SASH1: variants seen among roughly 807,000 people sequenced by gnomAD.
SASH1 encodes SAM and SH3 domain-containing protein 1.
In SASH1, 44 loss-of-function variants were observed where a neutral mutation model predicts 125.2. The ratio of observed to expected loss-of-function variants is 0.35; its 90% confidence interval spans 0.28 to 0.45. The LOEUF is 0.45. Ranked by LOEUF, SASH1 falls within the 20% of genes least tolerant of loss-of-function variation. The pLI, the probability that SASH1 is intolerant of heterozygous loss-of-function variation, is 1.00. For missense variants in SASH1, 1,426 were observed against 1,614.5 expected (o/e 0.88, Z 2.00); for synonymous variants, 639 against 649.1 (o/e 0.98, Z 0.24).
intron 10 of SASH1, 136 bp from the exon 11 acceptor site, chr6:148,525,155 T>G: frequency 2.9e-6 from 2 of 682,860 alleles, no homozygotes; most frequent in Non-Finnish European, 5.3e-6. Context: ...TTCTCATCAT[T>G]TCTCGTTTTC....
At chr6:148,376,753 A>C (rs1782910920) in intron 1 of SASH1, among the ~76,000 whole-genome samples, 1 of 151,988 alleles carries the variant, frequency 6.6e-6, no homozygotes, top group Non-Finnish European at 1.5e-5. Flanking sequence ...AGTCCCAGCT[A>C]CTCGGGAGGC....
At chr6:148,320,022 C>G in intron 1 of SASH1, among the ~76,000 whole-genome samples, 1 of 152,054 alleles carries the variant, frequency 6.6e-6, no homozygotes, top group East Asian at 1.9e-4. Flanking sequence ...TCATGATGGC[C>G]CCAAAGTACA....
chr6:148,369,086 G>T (rs554752025), intron 1 of SASH1, among the ~76,000 whole-genome samples: 1 of 152,186 alleles, frequency 6.6e-6, no homozygotes, highest in African/African-American at 2.4e-5. Flanking sequence ...CATTGGCCTG[G>T]CAGAGCTGTA....
chr6:148,229,133 C>CAA, the SASH1 span, among the ~76,000 whole-genome samples: 12,748 of 58,396 alleles, frequency 0.22, 1,903 homozygotes, highest in East Asian at 0.35. Flanking sequence ...GACTCCATCT[C>CAA]AAAAAAAAAA....
At chr6:148,381,832 A>G (rs1206087548) in intron 1 of SASH1, among the ~76,000 whole-genome samples, 2 of 151,434 alleles carry the variant, frequency 1.3e-5, no homozygotes, top group Non-Finnish European at 2.9e-5. Flanking sequence ...AGGTTTCACC[A>G]TTTTGGTTGG....
chr6:148,211,422 T>C, the SASH1 span, among the ~76,000 whole-genome samples: 1 of 151,954 alleles, frequency 6.6e-6, no homozygotes, highest in African/African-American at 2.4e-5. Flanking sequence ...AATATAAAAA[T>C]TATCCAGGTG....
chr6:148,457,060 C>CAA (rs111593911), intron 4 of SASH1, among the ~76,000 whole-genome samples: 2 of 105,528 alleles, frequency 1.9e-5, no homozygotes, highest in African/African-American at 3.5e-5. Context: ...TTCCTTAAGA[C>CAA]AAAAAAAAAA....
At chr6:148,266,762 A>T in the SASH1 span, among the ~76,000 whole-genome samples, 1 of 149,830 alleles carries the variant, frequency 6.7e-6, no homozygotes, top group African/African-American at 2.5e-5. Context: ...CACCATGCCC[A>T]GCCAATTTTT....
intron 1 of SASH1, among the ~76,000 whole-genome samples, chr6:148,348,962 T>C (rs867413590): frequency 8.5e-5 from 13 of 152,282 alleles, no homozygotes; most frequent in Admixed American, 4.6e-4. Flanking sequence ...CCCAGGAGCG[T>C]CTGGGCGGCC....
At chr6:148,352,345 C>G (rs1781758272) in intron 1 of SASH1, among the ~76,000 whole-genome samples, 1 of 152,132 alleles carries the variant, frequency 6.6e-6, no homozygotes, top group African/African-American at 2.4e-5. Flanking sequence ...CGCCTGTAAT[C>G]CCAGCATTTT....
intron 9 of SASH1, among the ~76,000 whole-genome samples, chr6:148,518,705 C>T (rs1780616889): frequency 6.6e-6 from 1 of 152,204 alleles, no homozygotes; most frequent in African/African-American, 2.4e-5. Flanking sequence ...GTTTGACCTA[C>T]TTCTTTTCTC....
chr6:148,336,405 C>T (rs1052321904), intron 1 of SASH1, among the ~76,000 whole-genome samples: 16 of 151,926 alleles, frequency 1.1e-4, no homozygotes, highest in African/African-American at 3.4e-4. Context: ...CTCAAACTCC[C>T]GACCTCAGGT....
At chr6:148,251,454 C>T in the SASH1 span, among the ~76,000 whole-genome samples, 100 of 152,254 alleles carry the variant, frequency 6.6e-4, no homozygotes, top group Non-Finnish European at 1.1e-3. Flanking sequence ...TTACCGAAAC[C>T]TCTGCTGTGG....
At chr6:148,432,561 C>T (rs1158767868) in intron 2 of SASH1, among the ~76,000 whole-genome samples, 1 of 152,218 alleles carries the variant, frequency 6.6e-6, no homozygotes, top group Non-Finnish European at 1.5e-5. Flanking sequence ...ATCCGATCGC[C>T]TCTGGCTTTT....
chr6:148,249,653 GT>G, the SASH1 span, among the ~76,000 whole-genome samples: 2 of 152,206 alleles, frequency 1.3e-5, no homozygotes, highest in Admixed American at 1.3e-4. Flanking sequence ...TCCAGGTCAT[GT>G]CTGAGAAACA....
chr6:148,209,767 G>C, the SASH1 span, among the ~76,000 whole-genome samples: 9 of 152,186 alleles, frequency 5.9e-5, no homozygotes, highest in Admixed American at 4.6e-4. Flanking sequence ...AAGCTTGGCT[G>C]TTCCGGTTGC....
chr6:148,194,816 A>G, the SASH1 span, among the ~76,000 whole-genome samples: 108 of 152,284 alleles, frequency 7.1e-4, no homozygotes, highest in African/African-American at 1.4e-3. Context: ...TGAGGCAGGA[A>G]AATGGCGTGA....
intron 1 of SASH1, among the ~76,000 whole-genome samples, chr6:148,363,405 ACTT>A (rs1391656404): frequency 6.7e-6 from 1 of 149,536 alleles, no homozygotes; most frequent in Non-Finnish European, 1.5e-5. Context: ...GCCTCCCAAC[ACTT>A]CTTTTTTTTT....
At position 148,487,658 on chromosome 6, in the gene SASH1, C is replaced by G; in HGVS notation, c.672C>G (p.Asp224Glu). Residue 224 changes from aspartate to glutamate, a missense_variant, in exon 8 of 20, where the codon GAC becomes GAG. Coordinates refer to ENST00000367467, the MANE Select transcript of SASH1 (RefSeq NM_015278.5). ...EAQHRQSAALDPADWPDGSYP... is the reference protein window; with the variant it reads ...EAQHRQSAALEPADWPDGSYP... Reference sequence around the variant, plus strand: ...AGCACCGGCAGTCGGCTGCCCTGGACCCTGCTGACTGGCCAGATGGTTCTT... The same window carrying G: ...AGCACCGGCAGTCGGCTGCCCTGGAGCCTGCTGACTGGCCAGATGGTTCTT... 1.9e-6 allele frequency: 3 copies of G among 1,613,840 alleles called. No homozygotes were observed. Among genetic ancestry groups the G allele is most frequent in the Non-Finnish European group, 2.5e-6 (3 of 1,179,894 alleles).
Sources: gnomAD v4.1 joint callset for allele counts (sites outside exome capture counted in the v4.1 genomes callset) on GRCh38, gnomAD v4.1.1 for gene constraint, MANE v1.5 for transcripts, NCBI Gene and HGNC (gene_info 2026-07-23, HGNC 2026-07-21) for gene names.